Variants in IL1RAPL2 observed in about 807,000 individuals in gnomAD.
The protein encoded by IL1RAPL2 is interleukin 1 receptor accessory protein like 2.
IL1RAPL2 carries 3 observed loss-of-function variants against 44.1 expected under a neutral mutation model. The ratio of observed to expected loss-of-function variants is 0.07; its 90% CI spans 0.03 to 0.18. The LOEUF (loss-of-function observed/expected upper bound fraction) is 0.18, where lower values mean the gene tolerates loss of function less well. Among genes scored for constraint, IL1RAPL2 ranks in the 10% least tolerant of loss-of-function variants. The pLI is 1.00. For synonymous variants in IL1RAPL2, 181 were observed against 178.8 expected, an observed-to-expected ratio of 1.01 and a Z score of -0.10; for missense variants, 391 against 496.4, an observed-to-expected ratio of 0.79 and a Z score of 2.02.
chrX:105,231,708 T>G (rs1339492698), intron 3 of IL1RAPL2, among the ~76,000 whole-genome samples: 1 of 112,034 alleles, frequency 8.9e-6, no homozygotes, highest in Non-Finnish European at 1.9e-5. Context: ...AGGCCTATTG[T>G]TTGAATAGGC....
intron 2 of IL1RAPL2, among the ~76,000 whole-genome samples, chrX:104,760,677 G>A (rs1490408447): frequency 9.0e-6 from 1 of 111,045 alleles, no homozygotes; most frequent in East Asian, 2.8e-4. Flanking sequence ...CTATTTTCTG[G>A]TTATTAATTG....
intron 2 of IL1RAPL2, among the ~76,000 whole-genome samples, chrX:104,909,571 C>T (rs1924158710): frequency 9.0e-6 from 1 of 111,459 alleles, no homozygotes; most frequent in Non-Finnish European, 1.9e-5. Context: ...CAGACAGGAC[C>T]CTCAGCTGCA....
At chrX:104,839,393 A>G (rs1921839469) in intron 2 of IL1RAPL2, among the ~76,000 whole-genome samples, 1 of 111,373 alleles carries the variant, frequency 9.0e-6, no homozygotes, top group South Asian at 3.8e-4. Context: ...ACGTTTATTG[A>G]TTTGCGTATA....
chrX:105,329,306 C>T (rs1032606265), intron 5 of IL1RAPL2, among the ~76,000 whole-genome samples: 11 of 111,438 alleles, frequency 9.9e-5, no homozygotes, highest in African/African-American at 3.6e-4. Flanking sequence ...TAGAGATTAT[C>T]TGGTCCAACC....
At chrX:105,447,631 T>A (rs1261920755) in intron 5 of IL1RAPL2, among the ~76,000 whole-genome samples, 1 of 75,856 alleles carries the variant, frequency 1.3e-5, no homozygotes, top group Admixed American at 2.0e-4. Context: ...AAATATATAT[T>A]TATATAAATA....
intron 1 of IL1RAPL2, among the ~76,000 whole-genome samples, chrX:104,608,234 G>T (rs954605161): frequency 3.6e-5 from 4 of 110,336 alleles, no homozygotes; most frequent in Admixed American, 9.7e-5. Flanking sequence ...GTCAGGGGGT[G>T]GGGGGCTGTG....
At chrX:104,636,745 C>T (rs961387857) in intron 1 of IL1RAPL2, among the ~76,000 whole-genome samples, 2 of 112,185 alleles carry the variant, frequency 1.8e-5, no homozygotes, top group Non-Finnish European at 3.8e-5. Context: ...GTCTGTCACC[C>T]CTTTCTTTGA....
At chrX:104,638,364 T>C (rs759277263) in intron 1 of IL1RAPL2, among the ~76,000 whole-genome samples, 1 of 111,729 alleles carries the variant, frequency 9.0e-6, no homozygotes, top group Non-Finnish European at 1.9e-5. Flanking sequence ...CTCTATTTCA[T>C]TTAGTTCTGC....
chrX:104,661,814 A>T lies in IL1RAPL2; in HGVS notation c.82+2819A>T, dbSNP rs559050068. 1.6e-4 allele frequency among the ~76,000 whole-genome samples: 18 copies of T among 111,871 alleles called. No homozygotes were observed. The South Asian group carries it at 5.3e-3, about 33-fold the overall frequency. On this transcript the variant is annotated intron_variant, in intron 2 of 10. Coordinates refer to ENST00000372582, the MANE Select transcript of IL1RAPL2 (RefSeq NM_017416.2). ...AAGCTCGCATGGATGTTCATCATGGAATCACTAACGGAACTCGTAACTTTT... is the reference window on the plus strand; with the variant it reads ...AAGCTCGCATGGATGTTCATCATGGTATCACTAACGGAACTCGTAACTTTT...
chrX:105,019,866 G>C (rs2031253267), intron 2 of IL1RAPL2, among the ~76,000 whole-genome samples: 1 of 111,246 alleles, frequency 9.0e-6, no homozygotes, highest in Non-Finnish European at 1.9e-5. Flanking sequence ...CCTGAATATA[G>C]GAATCATAAG....
At chrX:104,795,886 C>G (rs991968296) in intron 2 of IL1RAPL2, among the ~76,000 whole-genome samples, 10 of 111,886 alleles carry the variant, frequency 8.9e-5, no homozygotes, top group Non-Finnish European at 1.7e-4. Flanking sequence ...ATCTGAAGTT[C>G]CTACAGTAGG....
chrX:105,487,042 A>G (rs754126180), intron 6 of IL1RAPL2, among the ~76,000 whole-genome samples: 2 of 101,555 alleles, frequency 2.0e-5, no homozygotes, highest in African/African-American at 7.3e-5. Flanking sequence ...CAGTGAGCTG[A>G]GATCATGCCA....
intron 5 of IL1RAPL2, among the ~76,000 whole-genome samples, chrX:105,275,638 C>T (rs1332174504): frequency 2.7e-5 from 3 of 110,079 alleles, no homozygotes; most frequent in Non-Finnish European, 5.6e-5. Flanking sequence ...ACAAATAAGA[C>T]AACTTTGTGT....
rs184706947 is a variant in IL1RAPL2, at chrX:105,222,184, A to G, written c.357-11634A>G. Among the ~76,000 whole-genome samples, 16 of 112,106 alleles carry G rather than the reference A, an allele frequency of 1.4e-4. No homozygotes were observed. In the Admixed American group the frequency reaches 1.5e-3, roughly 11 times the overall value. On this transcript the variant is annotated intron_variant, in intron 3 of 10. Coordinates refer to ENST00000372582, the MANE Select transcript of IL1RAPL2 (RefSeq NM_017416.2). The stretch of plus-strand genomic sequence containing the variant: ...ATGTACCTAAGGGACTAAGCCATAC[A>G]GGGATACACTGATTTTGGCGTTTTA...
intron 6 of IL1RAPL2, among the ~76,000 whole-genome samples, chrX:105,632,131 A>G (rs1348078319): frequency 9.0e-6 from 1 of 110,601 alleles, no homozygotes; most frequent in East Asian, 2.9e-4. Context: ...GACAGCCACA[A>G]AAAACTAAAG....
intron 6 of IL1RAPL2, among the ~76,000 whole-genome samples, chrX:105,666,146 C>G (rs2037766506): frequency 1.8e-5 from 2 of 109,287 alleles, no homozygotes; most frequent in African/African-American, 6.7e-5. Flanking sequence ...TTTTACTTTC[C>G]CCAACTCAAA....
chrX:105,638,373 G>A (rs2037540128), intron 6 of IL1RAPL2, among the ~76,000 whole-genome samples: 1 of 110,570 alleles, frequency 9.0e-6, no homozygotes, highest in African/African-American at 3.3e-5. Context: ...AATTTGAAGG[G>A]GTAAAGAGAA....
intron 2 of IL1RAPL2, among the ~76,000 whole-genome samples, chrX:104,807,158 T>A (rs781062693): frequency 3.9e-4 from 43 of 110,950 alleles, no homozygotes; most frequent in Non-Finnish European, 7.0e-4. Flanking sequence ...TTGCTTGAAA[T>A]AAGGATTTTG....
chrX:104,638,103 T>C (rs1189112140), intron 1 of IL1RAPL2, among the ~76,000 whole-genome samples: 1 of 111,430 alleles, frequency 9.0e-6, no homozygotes, highest in Non-Finnish European at 1.9e-5. Flanking sequence ...AAGTTGCATG[T>C]GTCCAGGAAC....
Sources: gnomAD v4.1 joint callset for allele counts (sites outside exome capture counted in the v4.1 genomes callset) on GRCh38, gnomAD v4.1.1 for gene constraint, MANE v1.5 for transcripts, NCBI Gene and HGNC (gene_info 2026-07-23, HGNC 2026-07-21) for gene names.